Variants in NLRP14 observed in about 807,000 individuals in gnomAD.
The protein encoded by NLRP14 is NACHT, LRR and PYD domains-containing protein 14.
In NLRP14, 105 loss-of-function variants were observed where a neutral mutation model predicts 94.7. The ratio of observed to expected loss-of-function variants is 1.11; its 90% CI spans 0.95 to 1.30. The LOEUF is 1.30. NLRP14 is among the 50% of genes most tolerant of loss of function. The pLI, the probability that NLRP14 is intolerant of heterozygous loss-of-function variation, is 0.00. For synonymous variants in NLRP14, 508 were observed against 459.9 expected (o/e 1.10, Z -1.34); for missense variants, 1,362 against 1,254.1 (o/e 1.09, Z -1.30).
intron 6 of NLRP14, among the ~76,000 whole-genome samples, chr11:7,052,712 C>G (rs768721193): frequency 7.4e-4 from 112 of 152,266 alleles, no homozygotes; most frequent in African/African-American, 2.6e-3. Flanking sequence ...TCATTATCAA[C>G]TAGAGTAAAA....
chr11:7,089,683 A>T, the NLRP14 span: 1 of 1,469,662 alleles, frequency 6.8e-7, no homozygotes, highest in Non-Finnish European at 9.0e-7. Flanking sequence ...CGGGGGCGAG[A>T]CGGCTACTCA....
intron 5 of NLRP14, among the ~76,000 whole-genome samples, chr11:7,047,737 T>A (rs190423472): frequency 1.8e-4 from 27 of 151,448 alleles, no homozygotes; most frequent in Admixed American, 7.3e-4. Context: ...GTATTTTTTT[T>A]AATTTATCTT....
chr11:7,042,925 A>AGG lies in NLRP14; in HGVS notation c.900_901dup (p.Ala301GlyfsTer6), dbSNP rs756173018. 4 of 1,613,966 alleles carry AGG rather than the reference A, an allele frequency of 2.5e-6. No individual in the cohort carries two copies. The African/African-American group carries it at 5.3e-5, about 22-fold the overall frequency. ...TTGCTGAGGAAAGTGATGCTCCCTGAGGCATCCTTATTGGTGACAACAAGA... is the reference window on the plus strand; with the variant it reads ...TTGCTGAGGAAAGTGATGCTCCCTGAGGGGCATCCTTATTGGTGACAACAAGA... On this transcript the variant is annotated frameshift_variant, in exon 4 of 12. Transcript: ENST00000299481. LOFTEE classifies it high-confidence loss of function.
At chr11:7,071,131 G>A (rs1178308717) in intron 11 of NLRP14, 42 bp from the exon 12 acceptor site, 1 of 1,612,484 alleles carries the variant, frequency 6.2e-7, no homozygotes, top group South Asian at 1.1e-5. Context: ...GGGCTGTAGG[G>A]AAATTGAATG....
the NLRP14 span, chr11:7,090,238 C>A: frequency 6.2e-7 from 1 of 1,610,676 alleles, no homozygotes; most frequent in Non-Finnish European, 8.5e-7. Context: ...TGCAGGGTGC[C>A]CAGGGGCGGA....
chr11:7,074,669 C>A (rs145382601), downstream of NLRP14, among the ~76,000 whole-genome samples: 7 of 152,284 alleles, frequency 4.6e-5, no homozygotes, highest in East Asian at 1.4e-3. Context: ...TAGAACCTGA[C>A]AACCAAAATG....
chr11:7,046,905 G>A (rs376541183), intron 5 of NLRP14, 73 bp downstream of exon 5: 14 of 1,101,278 alleles, frequency 1.3e-5, no homozygotes, highest in Admixed American at 6.7e-5. Context: ...ACTCATACTC[G>A]TTAGGGGAAG....
chr11:7,081,673 G>A, the NLRP14 span, among the ~76,000 whole-genome samples: 1 of 152,316 alleles, frequency 6.6e-6, no homozygotes, highest in East Asian at 1.9e-4. Flanking sequence ...ATCCAGATGA[G>A]GAGGTACATA....
chr11:7,075,143 T>C (rs1852859201), downstream of NLRP14, among the ~76,000 whole-genome samples: 1 of 152,122 alleles, frequency 6.6e-6, no homozygotes, highest in Non-Finnish European at 1.5e-5. Flanking sequence ...CTGACATGAA[T>C]GGGAACTCAG....
chr11:7,054,185 A>C (rs1852485428), intron 6 of NLRP14, among the ~76,000 whole-genome samples: 1 of 152,046 alleles, frequency 6.6e-6, no homozygotes, highest in Non-Finnish European at 1.5e-5. Flanking sequence ...TATGTACCAC[A>C]TTTTCTTTAT....
the NLRP14 span, among the ~76,000 whole-genome samples, chr11:7,079,779 G>T: frequency 6.6e-6 from 1 of 152,184 alleles, no homozygotes; most frequent in Non-Finnish European, 1.5e-5. Context: ...GAAAGCAGGG[G>T]TTTTTATTAT....
Position 7,043,714 on chromosome 11 carries a change from G to A in NLRP14, c.1688G>A (p.Cys563Tyr). The A allele has an allele frequency of 1.9e-6, 3 of 1,613,978 alleles. No homozygotes were observed. Among genetic ancestry groups the A allele is most frequent in the Non-Finnish European group, 2.5e-6 (3 of 1,179,856 alleles). ...SLKIKSKLLQCMEVLGNSDYS... is the reference protein window; with the variant it reads ...SLKIKSKLLQYMEVLGNSDYS... Reference sequence around the variant, plus strand: ...AAGATAAAATCAAAGTTACTTCAGTGTATGGAAGTATTAGGAAACAGTGAC... The same window carrying A: ...AAGATAAAATCAAAGTTACTTCAGTATATGGAAGTATTAGGAAACAGTGAC... Residue 563 changes from cysteine to tyrosine, a missense_variant, in exon 4 of 12, where the codon TGT (cysteine) becomes TAT (tyrosine). Cys to Tyr is a radical substitution (Grantham distance 194). Coordinates refer to ENST00000299481, the MANE Select transcript of NLRP14 (RefSeq NM_176822.4).
At chr11:7,050,335 C>T (rs931640917) in intron 6 of NLRP14, among the ~76,000 whole-genome samples, 2 of 152,164 alleles carry the variant, frequency 1.3e-5, no homozygotes, top group Non-Finnish European at 2.9e-5. Context: ...TGGAAATGGT[C>T]CTCTTTCAAG....
At chr11:7,058,227 G>T in intron 7 of NLRP14, 53 bp from the exon 8 acceptor site, 3 of 1,494,072 alleles carry the variant, frequency 2.0e-6, no homozygotes, top group South Asian at 2.3e-5. Context: ...AAGGAGAAGA[G>T]AAGCATGGGC....
intron 6 of NLRP14, 24 bp downstream of exon 6, chr11:7,049,862 T>C: frequency 3.7e-6 from 6 of 1,604,612 alleles, no homozygotes; most frequent in South Asian, 1.1e-5. Flanking sequence ...TGTTTTGTCT[T>C]GTTTTGTTTT....
Position 7,071,172 on chromosome 11 carries a change from G to C in NLRP14, c.3147-1G>C, listed in dbSNP as rs754331340. On this transcript the variant is annotated splice_acceptor_variant, in intron 11 of 11. Coordinates refer to ENST00000299481, the MANE Select transcript of NLRP14 (RefSeq NM_176822.4). LOFTEE classifies it high-confidence loss of function. The stretch of plus-strand genomic sequence containing the variant: ...AAAGAGATGTTCCCTTGTTTTCTCA[G>C]GTTGTGCAAAGAGGCATTTGATGAG... The C allele has an allele frequency of 6.2e-7, 1 of 1,613,976 alleles. No individual in the cohort carries two copies. The highest frequency in any genetic ancestry group is 1.7e-5 in the Admixed American group (1 of 60,008).
chr11:7,026,815 G>A (rs1324624315), intron 1 of NLRP14, among the ~76,000 whole-genome samples: 1 of 133,330 alleles, frequency 7.5e-6, no homozygotes, highest in Non-Finnish European at 1.6e-5. Context: ...ACCATGGGGG[G>A]TAGGGGGAGG....
the NLRP14 span, among the ~76,000 whole-genome samples, chr11:7,085,689 A>G: frequency 2.6e-5 from 4 of 152,232 alleles, no homozygotes; most frequent in African/African-American, 9.6e-5. Context: ...GTATTTGCAT[A>G]TAACCTGTAC....
rs1008056663 is a variant in NLRP14, at chr11:7,027,045, C to T, written c.-22+6275C>T. Reference sequence around the variant, plus strand: ...AATGCATTCACACACCTACCTGCATCAGTGCCCCTTTTTAGCTAGAAGCCT... The same window carrying T: ...AATGCATTCACACACCTACCTGCATTAGTGCCCCTTTTTAGCTAGAAGCCT... On this transcript the variant is annotated intron_variant, in intron 1 of 11. Coordinates refer to ENST00000299481, the MANE Select transcript of NLRP14 (RefSeq NM_176822.4). 2.0e-5 allele frequency among the ~76,000 whole-genome samples: 3 copies of T among 152,222 alleles called. No homozygotes were observed. In the East Asian group the frequency reaches 5.8e-4, roughly 29 times the overall value.
Sources: allele counts gnomAD v4.1 joint callset (sites outside exome capture counted in the v4.1 genomes callset), GRCh38; gene constraint gnomAD v4.1.1; transcripts MANE v1.5; gene names NCBI Gene and HGNC (gene_info 2026-07-23, HGNC 2026-07-21).